Variants in CCDC125 observed in about 807,000 individuals in gnomAD.
CCDC125 encodes coiled-coil domain-containing protein 125.
Under a neutral mutation model 57.4 loss-of-function variants are expected in CCDC125, and 43 were observed. That is an observed-to-expected ratio of 0.75 (90% confidence interval 0.59 to 0.97). CCDC125 has a LOEUF of 0.97. Among genes scored for constraint, CCDC125 ranks in the 50% least tolerant of loss-of-function variants. The pLI, the probability that CCDC125 is intolerant of heterozygous loss-of-function variation, is 0.00. For missense variants in CCDC125, 563 were observed against 595.7 expected, an observed-to-expected ratio of 0.95 and a Z score of 0.57; for synonymous variants, 187 against 195.2, an observed-to-expected ratio of 0.96 and a Z score of 0.35.
chr5:69,330,605 T>A (rs966194737), intron 1 of CCDC125, among the ~76,000 whole-genome samples: 38 of 139,360 alleles, frequency 2.7e-4, no homozygotes, highest in African/African-American at 6.5e-4. Flanking sequence ...AAAAAAAAAA[T>A]TCACTATCCT....
At chr5:69,293,488 A>G (rs1754820090) in intron 9 of CCDC125, among the ~76,000 whole-genome samples, 1 of 151,916 alleles carries the variant, frequency 6.6e-6, no homozygotes, top group African/African-American at 2.4e-5. Context: ...CGTCTCTACT[A>G]AAAATACAAA....
At chr5:69,301,017 A>C (rs1014418797) in intron 7 of CCDC125, among the ~76,000 whole-genome samples, 2 of 145,752 alleles carry the variant, frequency 1.4e-5, no homozygotes, top group Admixed American at 7.0e-5. Context: ...TTAACCTCCC[A>C]ATCAGCCAGG....
In CCDC125 at chr5:69,318,051, G is replaced by C. The variant is rs139108751; in HGVS notation, c.304+2186C>G. Among the ~76,000 whole-genome samples, 3 of 140,734 alleles carry C rather than the reference G, an allele frequency of 2.1e-5. No individual in the cohort carries two copies. In the East Asian group the frequency reaches 6.4e-4, roughly 30 times the overall value. The allele number at this position is 140,734 out of a possible 152,430, so 92.3% of individuals were successfully genotyped here. A position where few individuals can be genotyped will look rare whatever the true frequency, so the allele number is the denominator to read the frequency against. Reference sequence around the variant, plus strand: ...GGCTGGAGCGCAGTGGTGCGATCTCGGCTCACTGCAACTTCCGCCTCCCAG... The same window carrying C: ...GGCTGGAGCGCAGTGGTGCGATCTCCGCTCACTGCAACTTCCGCCTCCCAG... On this transcript the variant is annotated intron_variant, in intron 2 of 11. Coordinates refer to ENST00000396496, the MANE Select transcript of CCDC125 (RefSeq NM_176816.5).
chr5:69,301,575 AAGAC>A, intron 7 of CCDC125, among the ~76,000 whole-genome samples: 1 of 152,016 alleles, frequency 6.6e-6, no homozygotes. Flanking sequence ...TCTCTACAGA[AAGAC>A]AAAAATATTA....
intron 4 of CCDC125, chr5:69,309,696 G>C: frequency 6.6e-6 from 1 of 152,316 alleles, no homozygotes; most frequent in East Asian, 1.9e-4. Flanking sequence ...GCTATGAGAA[G>C]AGGGCCACCA....
At chr5:69,276,034 T>C (rs1044362283), downstream of CCDC125, among the ~76,000 whole-genome samples, 3 of 152,106 alleles carry the variant, frequency 2.0e-5, no homozygotes, top group African/African-American at 4.8e-5. Context: ...AGTCTTTTTT[T>C]CTTTTCTTTT....
chr5:69,305,831 C>T (rs1757245654), intron 6 of CCDC125, among the ~76,000 whole-genome samples: 1 of 152,120 alleles, frequency 6.6e-6, no homozygotes, highest in African/African-American at 2.4e-5. Context: ...GCCCCCTGAC[C>T]CCTTCTTCCA....
At position 69,294,648 on chromosome 5, in the gene CCDC125, A is replaced by G. The variant is rs1172622142; in HGVS notation, c.924+145T>C. On this transcript the variant is annotated intron_variant, in intron 9 of 11. Coordinates refer to ENST00000396496, the MANE Select transcript of CCDC125 (RefSeq NM_176816.5). ...CCAGGTAAACAAAATCCAGTTGATA[A>G]GTTGATGCTATCACATAAAAACTAA... 5 of 694,778 alleles carry G rather than the reference A, an allele frequency of 7.2e-6. No individual in the cohort carries two copies. In the East Asian group the frequency reaches 1.3e-4, roughly 18 times the overall value. 43.0% of individuals were successfully genotyped at this position (694,778 alleles called of 1,614,324 possible).
chr5:69,298,373 T>C (rs1014862536), intron 8 of CCDC125, among the ~76,000 whole-genome samples: 1 of 152,188 alleles, frequency 6.6e-6, no homozygotes, highest in Non-Finnish European at 1.5e-5. Context: ...TTTAAGAGGC[T>C]TTTCAGAGAG....
intron 8 of CCDC125, among the ~76,000 whole-genome samples, chr5:69,295,422 T>A (rs1369500712): frequency 1.3e-5 from 2 of 152,142 alleles, no homozygotes; most frequent in Admixed American, 1.3e-4. Context: ...GATTCCTGTG[T>A]AAAAGAATAA....
At chr5:69,285,262 G>C in intron 11 of CCDC125, 75 bp downstream of exon 11, 3 of 1,499,652 alleles carry the variant, frequency 2.0e-6, no homozygotes, top group Non-Finnish European at 2.7e-6. Context: ...GTTCTGGGCT[G>C]CATGCTCCCC....
intron 10 of CCDC125, among the ~76,000 whole-genome samples, chr5:69,286,188 CTA>C (rs59035946): frequency 0.039 from 1,992 of 51,068 alleles, 9 homozygotes; most frequent in Non-Finnish European, 0.042. Context: ...AAATGGTAAA[CTA>C]TATATATATA....
intron 1 of CCDC125, among the ~76,000 whole-genome samples, chr5:69,325,093 G>A (rs1444765565): frequency 6.6e-6 from 1 of 152,152 alleles, no homozygotes; most frequent in African/African-American, 2.4e-5. Flanking sequence ...GGAAGCCAAG[G>A]TGGGCGGATC....
intron 10 of CCDC125, among the ~76,000 whole-genome samples, chr5:69,286,057 G>A (rs1753292627): frequency 6.6e-6 from 1 of 151,482 alleles, no homozygotes; most frequent in Non-Finnish European, 1.5e-5. Flanking sequence ...AAGGGGAAGT[G>A]AGGAGTTACT....
chr5:69,304,351 C>T (rs1019776178), intron 6 of CCDC125, among the ~76,000 whole-genome samples: 2 of 151,826 alleles, frequency 1.3e-5, no homozygotes, highest in South Asian at 2.1e-4. Context: ...GTGATCAGCC[C>T]GCCTCAGCCT....
intron 2 of CCDC125, among the ~76,000 whole-genome samples, chr5:69,316,636 C>G (rs895034023): frequency 6.6e-6 from 1 of 152,088 alleles, no homozygotes; most frequent in Non-Finnish European, 1.5e-5. Context: ...ATCAGCTTCT[C>G]AAGTAGCTGG....
chr5:69,283,198 ATAC>A (rs1752699030), intron 11 of CCDC125, among the ~76,000 whole-genome samples, 164 bp from the exon 12 acceptor site: 1 of 151,250 alleles, frequency 6.6e-6, no homozygotes, highest in South Asian at 2.1e-4. Flanking sequence ...CCCAAACATT[ATAC>A]TACATGTTAT....
At chr5:69,290,379 T>G (rs1034206105) in intron 10 of CCDC125, among the ~76,000 whole-genome samples, 1 of 151,430 alleles carries the variant, frequency 6.6e-6, no homozygotes, top group African/African-American at 2.4e-5. Flanking sequence ...CTTGGCTCAC[T>G]GCAACCTCTG....
chr5:69,302,777 T>C (rs548688088), intron 7 of CCDC125, among the ~76,000 whole-genome samples: 2 of 152,090 alleles, frequency 1.3e-5, no homozygotes, highest in African/African-American at 4.8e-5. Context: ...TCAACTTTCA[T>C]CGTAAGGTAG....
Sources: gnomAD v4.1 joint callset for allele counts (sites outside exome capture counted in the v4.1 genomes callset) on GRCh38, gnomAD v4.1.1 for gene constraint, MANE v1.5 for transcripts, NCBI Gene and HGNC (gene_info 2026-07-23, HGNC 2026-07-21) for gene names.